Variants in NUBPL observed in about 807,000 individuals in gnomAD.
NUBPL encodes NUBP iron-sulfur cluster assembly factor, mitochondrial.
In NUBPL, 31 loss-of-function variants were observed where a neutral mutation model predicts 45.7. The observed-to-expected ratio is 0.68, with a 90% CI of 0.51 to 0.92. NUBPL has a LOEUF of 0.92. NUBPL is among the 40% of genes least tolerant of loss of function. The pLI is 0.00. For synonymous variants in NUBPL, 144 were observed against 140.9 expected, an observed-to-expected ratio of 1.02 and a Z score of -0.15; for missense variants, 401 against 398.7, an observed-to-expected ratio of 1.01 and a Z score of -0.05.
chr14:31,731,065 A>G (rs1006014390), intron 6 of NUBPL, among the ~76,000 whole-genome samples: 1 of 152,220 alleles, frequency 6.6e-6, no homozygotes, highest in Admixed American at 6.5e-5. Flanking sequence ...TCAAAGAAAT[A>G]AGGCCAAAAA....
At chr14:31,577,790 A>C (rs550232014) in intron 3 of NUBPL, 1 of 162,230 alleles carries the variant, frequency 6.2e-6, no homozygotes, top group Non-Finnish European at 1.3e-5. Context: ...GCTCCTTTAC[A>C]CTGGCTGTCT....
At chr14:31,798,588 C>T (rs188030530) in intron 7 of NUBPL, among the ~76,000 whole-genome samples, 18 of 151,150 alleles carry the variant, frequency 1.2e-4, no homozygotes, top group South Asian at 4.2e-4. Context: ...GTCGGGAGAA[C>T]GAGACCATCC....
At chr14:31,615,827 G>A (rs575502977) in intron 4 of NUBPL, among the ~76,000 whole-genome samples, 2 of 152,130 alleles carry the variant, frequency 1.3e-5, no homozygotes, top group Non-Finnish European at 2.9e-5. Flanking sequence ...TGGGATTGCT[G>A]GGTCAAATGC....
chr14:31,679,731 T>C (rs1476258370), intron 6 of NUBPL, among the ~76,000 whole-genome samples: 1 of 152,160 alleles, frequency 6.6e-6, no homozygotes, highest in Non-Finnish European at 1.5e-5. Context: ...TTTTGGCTGC[T>C]CTAGTTTCTT....
chr14:31,790,566 C>G lies in NUBPL; in HGVS notation c.607+2693C>G, dbSNP rs149498526. 6.5e-3 allele frequency among the ~76,000 whole-genome samples: 995 copies of G among 152,304 alleles called. 12 individuals are homozygous for G. Among genetic ancestry groups the G allele is most frequent in the African/African-American group, 0.022 (932 of 41,574 alleles). ...ACTCTGGAGCTATTAAACAGTAACT[C>G]TCTGGCCGGATGTGGTGGCTCATGC... On this transcript the variant is annotated intron_variant, in intron 7 of 10. Transcript: ENST00000281081.
intron 6 of NUBPL, among the ~76,000 whole-genome samples, chr14:31,771,638 G>A (rs1182862521): frequency 6.6e-6 from 1 of 152,142 alleles, no homozygotes; most frequent in Non-Finnish European, 1.5e-5. Context: ...GACAACTCTT[G>A]TAACTTCTCT....
rs2036624108 is a variant in NUBPL at position 31,673,490 on chromosome 14, T to C, written c.429T>C (p.Ser143=). 6.2e-7 allele frequency: 1 copy of C among 1,613,824 alleles called. No homozygotes were observed. Among genetic ancestry groups the C allele is most frequent in the African/African-American group, 1.3e-5 (1 of 75,044 alleles). Residue 143 remains serine (S), a synonymous_variant, in exon 6 of 11, where the codon TCT becomes TCC. Transcript: ENST00000281081. The part of the protein sequence containing the change: ...PLLNYGIACM[S]MGFLVEESEP... ...TTTTATGTTACTGTTGCAGTATGTC[T>C]ATGGGCTTTCTGGTTGAAGAAAGTG...
intron 7 of NUBPL, among the ~76,000 whole-genome samples, chr14:31,789,950 G>C (rs1223209695): frequency 6.9e-6 from 1 of 145,880 alleles, no homozygotes; most frequent in Non-Finnish European, 1.5e-5. Flanking sequence ...TATAGTTTTA[G>C]GATCTTTTAT....
intron 6 of NUBPL, among the ~76,000 whole-genome samples, chr14:31,706,483 G>A (rs188187108): frequency 6.6e-6 from 1 of 152,328 alleles, no homozygotes; most frequent in East Asian, 1.9e-4. Flanking sequence ...CCTAGAAAGG[G>A]GAGAAGCCAT....
chr14:31,584,790 A>G (rs1487145148), intron 3 of NUBPL, among the ~76,000 whole-genome samples: 1 of 152,236 alleles, frequency 6.6e-6, no homozygotes, highest in African/African-American at 2.4e-5. Flanking sequence ...TGGGAAGTCC[A>G]GGATCAAGAT....
intron 6 of NUBPL, chr14:31,714,525 T>C (rs1391248207): frequency 6.5e-6 from 1 of 154,878 alleles, no homozygotes; most frequent in Non-Finnish European, 1.4e-5. Flanking sequence ...GCGCAGCACA[T>C]GGTGACAGCA....
chr14:31,822,932 A>G (rs949522265), intron 7 of NUBPL, among the ~76,000 whole-genome samples: 4 of 152,144 alleles, frequency 2.6e-5, no homozygotes, highest in Admixed American at 2.6e-4. Context: ...AAACCAAGCC[A>G]GTTTAATATC....
chr14:31,798,302 GGTTT>G (rs2039505567), intron 7 of NUBPL, among the ~76,000 whole-genome samples: 1 of 98,724 alleles, frequency 1.0e-5, no homozygotes, highest in African/African-American at 3.8e-5. Flanking sequence ...ATTTATTTAT[GGTTT>G]TTTTTTTTTT....
intron 7 of NUBPL, among the ~76,000 whole-genome samples, chr14:31,798,323 C>A (rs2039507414): frequency 2.0e-5 from 1 of 50,766 alleles, no homozygotes; most frequent in African/African-American, 5.5e-5. Flanking sequence ...TTTTTTTTTG[C>A]TGTGCTGTAT....
chr14:31,708,661 T>C (rs1023605030), intron 6 of NUBPL, among the ~76,000 whole-genome samples: 1 of 152,188 alleles, frequency 6.6e-6, no homozygotes, highest in Non-Finnish European at 1.5e-5. Flanking sequence ...AGATTAACAA[T>C]GAGAAGGCTG....
chr14:31,617,755 T>C (rs1223660899), intron 4 of NUBPL, among the ~76,000 whole-genome samples: 1 of 152,230 alleles, frequency 6.6e-6, no homozygotes, highest in Non-Finnish European at 1.5e-5. Context: ...ATTGTGTCTC[T>C]GCCAGGTTTT....
chr14:31,690,172 A>C (rs117764441), intron 6 of NUBPL, among the ~76,000 whole-genome samples: 1 of 152,074 alleles, frequency 6.6e-6, no homozygotes, highest in Non-Finnish European at 1.5e-5. Context: ...GGGCTAGGCT[A>C]ACCCTATTAT....
Position 31,785,679 on chromosome 14 carries a change from C to T in NUBPL, c.514-2101C>T, listed in dbSNP as rs191945951. ...GTCTATCTGTCTATCTATCTTTCTG[C>T]ATGTCTCCTTCACTAAATTGTCAGT... On this transcript the variant is annotated intron_variant, in intron 6 of 10. Coordinates refer to ENST00000281081, the MANE Select transcript of NUBPL (RefSeq NM_025152.3). 1.2e-4 allele frequency among the ~76,000 whole-genome samples: 18 copies of T among 152,240 alleles called. No individual in the cohort carries two copies. In the East Asian group the frequency reaches 2.1e-3, roughly 18 times the overall value.
chr14:31,590,492 G>C (rs2139523915), intron 3 of NUBPL, among the ~76,000 whole-genome samples: 1 of 152,272 alleles, frequency 6.6e-6, no homozygotes, highest in East Asian at 1.9e-4. Context: ...TTTTGAGTCT[G>C]AAGGGTGGAT....
Sources: gnomAD v4.1 joint callset for allele counts (sites outside exome capture counted in the v4.1 genomes callset) on GRCh38, gnomAD v4.1.1 for gene constraint, MANE v1.5 for transcripts, NCBI Gene and HGNC (gene_info 2026-07-23, HGNC 2026-07-21) for gene names.